Variants in FARS2 observed in about 807,000 individuals in gnomAD.
The protein encoded by FARS2 is phenylalanyl-tRNA synthetase 2, mitochondrial.
In FARS2, 40 loss-of-function variants were observed where a neutral mutation model predicts 46.4. The observed-to-expected ratio is 0.86, with a 90% CI of 0.67 to 1.12. FARS2 has a LOEUF of 1.12. Ranked by LOEUF, FARS2 falls within the 50% of genes most tolerant of loss-of-function variation. The pLI is 0.00. For missense variants in FARS2, 513 were observed against 567.9 expected, an observed-to-expected ratio of 0.90 and a Z score of 0.98; for synonymous variants, 234 against 214.9, an observed-to-expected ratio of 1.09 and a Z score of -0.78.
intron 4 of FARS2, among the ~76,000 whole-genome samples, chr6:5,433,898 T>G (rs1423606948): frequency 1.3e-5 from 2 of 152,222 alleles, no homozygotes; most frequent in African/African-American, 4.8e-5. Context: ...ACACAGTAAT[T>G]GGCTGAATAT....
chr6:5,739,735 G>T (rs995304275), intron 6 of FARS2, among the ~76,000 whole-genome samples: 2 of 152,214 alleles, frequency 1.3e-5, no homozygotes, highest in African/African-American at 4.8e-5. Context: ...AGGACAGTGG[G>T]TGAGGGGTTC....
At chr6:5,256,491 G>GAAAA (rs1161084364), upstream of FARS2, among the ~76,000 whole-genome samples, 4 of 43,856 alleles carry the variant, frequency 9.1e-5, no homozygotes, top group African/African-American at 1.5e-4. Context: ...ATTTCAACTG[G>GAAAA]AAAAAAAAAA....
At chr6:5,426,231 G>A (rs12153950) in intron 3 of FARS2, among the ~76,000 whole-genome samples, 71,400 of 152,020 alleles carry the variant, frequency 0.47, 16,994 homozygotes, top group Non-Finnish European at 0.5. Context: ...GTTCATATAT[G>A]CACTTAATTT....
At chr6:5,510,767 C>T (rs1004448419) in intron 4 of FARS2, among the ~76,000 whole-genome samples, 2 of 152,140 alleles carry the variant, frequency 1.3e-5, no homozygotes, top group African/African-American at 4.8e-5. Flanking sequence ...CACCCACCCC[C>T]CTCTTGTCCT....
At chr6:5,688,633 G>A (rs974226767) in intron 6 of FARS2, among the ~76,000 whole-genome samples, 2 of 152,182 alleles carry the variant, frequency 1.3e-5, no homozygotes, top group Admixed American at 6.5e-5. Flanking sequence ...TTGCATTGAT[G>A]TTCATGAGGG....
At chr6:5,510,789 G>A (rs187470703) in intron 4 of FARS2, among the ~76,000 whole-genome samples, 26 of 136,926 alleles carry the variant, frequency 1.9e-4, no homozygotes, top group Admixed American at 9.4e-4. Context: ...TTGTCCTTTT[G>A]GGGATTCACT....
intron 5 of FARS2, among the ~76,000 whole-genome samples, chr6:5,601,168 C>T (rs1415527306): frequency 1.3e-5 from 2 of 152,052 alleles, no homozygotes; most frequent in African/African-American, 2.4e-5. Flanking sequence ...TTCAAGCCAC[C>T]GAGTCTGTGG....
chr6:5,623,524 CA>C (rs1275756375), intron 6 of FARS2, among the ~76,000 whole-genome samples: 1 of 152,010 alleles, frequency 6.6e-6, no homozygotes, highest in East Asian at 1.9e-4. Context: ...CCAGCCTGAC[CA>C]ATGTGGTGAA....
rs9405821 is a variant in FARS2, at chr6:5,311,847, T to C, written c.-22+50187T>C. On this transcript the variant is annotated intron_variant, in intron 1 of 6. Transcript: ENST00000274680. This position sits in a 1 kb window ranked among gnomAD's most constrained non-coding sequence, Gnocchi z 4.1. ...AAAAGCCACTCACAGATTCCTTTGTTCCACAACTGTAATGTATTTCTGATT... is the reference window on the plus strand; with the variant it reads ...AAAAGCCACTCACAGATTCCTTTGTCCCACAACTGTAATGTATTTCTGATT... Among the ~76,000 whole-genome samples the C allele has an allele frequency of 0.22, 33,889 of 152,124 alleles. 4,661 individuals are homozygous for C. Among genetic ancestry groups the C allele is most frequent in the East Asian group, 0.3 (1,546 of 5,176 alleles).
chr6:5,668,699 T>G lies in FARS2; in HGVS notation c.1217+55379T>G, dbSNP rs1778278870. Among the ~76,000 whole-genome samples the G allele has an allele frequency of 3.5e-5, 5 of 144,432 alleles. No individual in the cohort carries two copies. In the South Asian group the frequency reaches 6.7e-4, roughly 19 times the overall value. The allele number at this position is 144,432 out of a possible 152,430, so 94.8% of individuals were successfully genotyped here. ...TTGTGTGTTTGGGTTTTTTTTTTTT[T>G]TTTTTTTTTTTGAGATGGAGTTTGT... On this transcript the variant is annotated intron_variant, in intron 6 of 6. Transcript: ENST00000274680.
chr6:5,712,667 T>C (rs1759250683), intron 6 of FARS2, among the ~76,000 whole-genome samples: 1 of 152,210 alleles, frequency 6.6e-6, no homozygotes, highest in Non-Finnish European at 1.5e-5. Context: ...GCACGTCTGA[T>C]CATAAAGCCT....
chr6:5,254,642 A>T, the FARS2 span, among the ~76,000 whole-genome samples: 1 of 152,196 alleles, frequency 6.6e-6, no homozygotes, highest in African/African-American at 2.4e-5. Context: ...GTGCTTCCTC[A>T]ACATCTGCTT....
At chr6:5,260,505 C>G (rs1181025719), upstream of FARS2, 3 of 1,150,880 alleles carry the variant, frequency 2.6e-6, no homozygotes, top group Non-Finnish European at 3.6e-6. Flanking sequence ...GCACGCTTTT[C>G]GATGGCGGAG....
chr6:5,760,640 G>A (rs892300930), intron 6 of FARS2, among the ~76,000 whole-genome samples: 4 of 152,186 alleles, frequency 2.6e-5, no homozygotes, highest in Non-Finnish European at 4.4e-5. Flanking sequence ...CCTCCCTGCC[G>A]CATCCCAGCC....
intron 4 of FARS2, among the ~76,000 whole-genome samples, chr6:5,539,384 G>GTGTGTGTATATATA: frequency 2.5e-5 from 2 of 79,582 alleles, no homozygotes; most frequent in African/African-American, 9.3e-5. Context: ...TTTTTTTTGT[G>GTGTGTGTATATATA]TATATATATA....
At chr6:5,338,641 A>C (rs1019518911) in intron 1 of FARS2, among the ~76,000 whole-genome samples, 5 of 129,888 alleles carry the variant, frequency 3.8e-5, no homozygotes, top group Non-Finnish European at 7.8e-5. Flanking sequence ...CTCAGGTATG[A>C]GTTCTTGGAT....
At chr6:5,299,642 G>A (rs548556270) in intron 1 of FARS2, among the ~76,000 whole-genome samples, 105 of 152,248 alleles carry the variant, frequency 6.9e-4, no homozygotes, top group African/African-American at 2.5e-3. Flanking sequence ...TCATCAACTC[G>A]TCATTTACAT....
intron 5 of FARS2, among the ~76,000 whole-genome samples, chr6:5,569,578 A>G (rs1772521492): frequency 6.6e-6 from 1 of 152,124 alleles, no homozygotes; most frequent in Non-Finnish European, 1.5e-5. Context: ...GGTAGTGGTC[A>G]TTGTCTTTGT....
intron 1 of FARS2, among the ~76,000 whole-genome samples, chr6:5,289,957 C>T (rs772253368): frequency 1.3e-5 from 2 of 152,084 alleles, no homozygotes; most frequent in African/African-American, 4.8e-5. Context: ...CAGAGAAAAT[C>T]CAAAACAGAA....
Sources: allele counts gnomAD v4.1 joint callset (sites outside exome capture counted in the v4.1 genomes callset), GRCh38; gene constraint gnomAD v4.1.1; non-coding constraint Gnocchi (gnomAD v3.1); transcripts MANE v1.5; gene names NCBI Gene and HGNC (gene_info 2026-07-23, HGNC 2026-07-21).